Variants in PTPRG observed in about 807,000 individuals in gnomAD.
PTPRG encodes receptor-type tyrosine-protein phosphatase gamma.
A neutral mutation model predicts 165.3 loss-of-function variants in PTPRG; 102 were observed. That is an observed-to-expected ratio of 0.62 (90% CI 0.53 to 0.73). The LOEUF (loss-of-function observed/expected upper bound fraction) is 0.73, where lower values mean the gene tolerates loss of function less well. PTPRG is among the 30% of genes least tolerant of loss of function. The pLI, the probability that PTPRG is intolerant of heterozygous loss-of-function variation, is 0.00. For missense variants in PTPRG, 1,866 were observed against 1,861.4 expected (o/e 1.00, Z -0.05); for synonymous variants, 675 against 669.5 (o/e 1.01, Z -0.13).
rs778599570 is a variant in PTPRG, at chr3:61,842,637, C to A, written c.190+93655C>A. 3.0e-5 allele frequency among the ~76,000 whole-genome samples: 4 copies of A among 132,978 alleles called. No individual in the cohort carries two copies. In the East Asian group the frequency reaches 8.8e-4, roughly 29 times the overall value. The allele number at this position is 132,978 out of a possible 152,430, so 87.2% of individuals were successfully genotyped here. A position where few individuals can be genotyped will look rare whatever the true frequency, so the allele number is the denominator to read the frequency against. On this transcript the variant is annotated intron_variant, in intron 2 of 29. Transcript: ENST00000474889. ...CTTGTTTCCTTTTTTCTGGATGACA[C>A]AGATAAAGTGAATTTTTCAAACCCT... is the stretch of plus-strand genomic sequence containing the variant.
At chr3:61,860,741 G>A (rs749906232) in intron 2 of PTPRG, among the ~76,000 whole-genome samples, 6 of 152,094 alleles carry the variant, frequency 3.9e-5, no homozygotes, top group African/African-American at 7.2e-5. Flanking sequence ...ACTGCGCCTA[G>A]CCCATTTTTT....
At chr3:61,997,564 C>G (rs1013703864) in intron 3 of PTPRG, among the ~76,000 whole-genome samples, 1 of 152,154 alleles carries the variant, frequency 6.6e-6, no homozygotes, top group Admixed American at 6.5e-5. Context: ...TCAGCTCAGA[C>G]CATGACACCC....
intron 1 of PTPRG, among the ~76,000 whole-genome samples, chr3:61,682,369 T>C (rs1450967246): frequency 1.3e-5 from 2 of 152,198 alleles, no homozygotes; most frequent in Non-Finnish European, 2.9e-5. Context: ...TATTCTCAAA[T>C]GGTTGAGGAA....
At chr3:61,748,353 C>T (rs2033293690) in intron 1 of PTPRG, among the ~76,000 whole-genome samples, 1 of 152,188 alleles carries the variant, frequency 6.6e-6, no homozygotes, top group Non-Finnish European at 1.5e-5. Flanking sequence ...TACTTTGTGT[C>T]TCTGCTCCTT....
intron 2 of PTPRG, among the ~76,000 whole-genome samples, chr3:61,765,124 G>A (rs892173347): frequency 2.6e-5 from 4 of 152,208 alleles, no homozygotes; most frequent in Admixed American, 1.3e-4. Context: ...TGAGTACGTG[G>A]CACAAACACA....
rs746053568 is a variant in PTPRG at position 62,078,184 on chromosome 3, C to T, written c.541C>T (p.Pro181Ser). 7 of 1,605,034 alleles carry T rather than the reference C, an allele frequency of 4.4e-6. No homozygotes were observed. The highest frequency in any genetic ancestry group is 2.2e-5 in the East Asian group (1 of 44,704). ...PVEMQIFFYNPDDFDSFQTAI... is the reference protein window; with the variant it reads ...PVEMQIFFYNSDDFDSFQTAI... ...ACAGATGCAGATTTTCTTTTACAATCCAGATGACTTTGACAGCTTTCAAAC... is the reference window on the plus strand; with the variant it reads ...ACAGATGCAGATTTTCTTTTACAATTCAGATGACTTTGACAGCTTTCAAAC... The change falls in exon 5 of 30, where the codon CCA (proline) becomes TCA (serine). Residue 181 changes from proline to serine, a missense_variant. Transcript: ENST00000474889.
chr3:61,661,957 CTT>C (rs1399126651), intron 1 of PTPRG, among the ~76,000 whole-genome samples: 1 of 151,928 alleles, frequency 6.6e-6, no homozygotes, highest in Non-Finnish European at 1.5e-5. Flanking sequence ...TATTTTTTTT[CTT>C]TATTATTTAT....
intron 2 of PTPRG, among the ~76,000 whole-genome samples, chr3:61,754,522 C>G (rs930567976): frequency 6.6e-6 from 1 of 152,162 alleles, no homozygotes; most frequent in Admixed American, 6.5e-5. Context: ...TTCCTTGTTT[C>G]TCCTGCAGCG....
chr3:61,610,250 C>T (rs899913887), intron 1 of PTPRG, among the ~76,000 whole-genome samples: 2 of 151,862 alleles, frequency 1.3e-5, no homozygotes, highest in East Asian at 1.9e-4. Flanking sequence ...GGAATAGTGC[C>T]TGGCGCAGTC....
chr3:61,731,113 C>T (rs1374299264), intron 1 of PTPRG, among the ~76,000 whole-genome samples: 1 of 152,140 alleles, frequency 6.6e-6, no homozygotes, highest in Non-Finnish European at 1.5e-5. Context: ...ATTGCTAAAG[C>T]AGTGAATAGA....
Position 62,277,670 on chromosome 3 carries a change from C to T in PTPRG, c.3756C>T (p.Asn1252=). The T allele has an allele frequency of 6.2e-7, 1 of 1,612,396 alleles. No individual in the cohort carries two copies. The highest frequency in any genetic ancestry group is 8.5e-7 in the Non-Finnish European group (1 of 1,179,158). ...NAQIIVMLPD[N]QSLAEDEFVY... is the part of the protein sequence containing the mutation. ...AGATCATTGTCATGCTGCCAGACAACCAGAGCTTGGTAAGTAAAGCACATC... is the reference window on the plus strand; with the variant it reads ...AGATCATTGTCATGCTGCCAGACAATCAGAGCTTGGTAAGTAAAGCACATC... The change falls in exon 26 of 30, where the codon AAC becomes AAT. Residue 1252 remains asparagine (N), a synonymous_variant. Coordinates refer to ENST00000474889, the MANE Select transcript of PTPRG (RefSeq NM_002841.4).
intron 4 of PTPRG, among the ~76,000 whole-genome samples, chr3:62,014,865 T>C (rs1298768647): frequency 6.6e-6 from 1 of 152,238 alleles, no homozygotes; most frequent in East Asian, 1.9e-4. Flanking sequence ...GGATTCATCT[T>C]ATTCTATCTA....
intron 1 of PTPRG, among the ~76,000 whole-genome samples, chr3:61,708,281 G>C (rs1284902734): frequency 6.6e-6 from 1 of 151,890 alleles, no homozygotes; most frequent in Non-Finnish European, 1.5e-5. Flanking sequence ...TACTAGTGAA[G>C]AGGGCATGAT....
At chr3:61,593,142 C>T (rs115050517) in intron 1 of PTPRG, among the ~76,000 whole-genome samples, 30 of 152,250 alleles carry the variant, frequency 2.0e-4, no homozygotes, top group African/African-American at 6.7e-4. Context: ...TATTCCTATG[C>T]ACATTGGAAT....
At chr3:61,601,101 G>T (rs1700854056) in intron 1 of PTPRG, among the ~76,000 whole-genome samples, 1 of 152,080 alleles carries the variant, frequency 6.6e-6, no homozygotes, top group Non-Finnish European at 1.5e-5. Context: ...CCAAAAAATA[G>T]AAAAATTAGC....
chr3:62,138,342 C>G (rs1290624444), intron 6 of PTPRG, among the ~76,000 whole-genome samples: 1 of 152,158 alleles, frequency 6.6e-6, no homozygotes, highest in African/African-American at 2.4e-5. Flanking sequence ...ATCATTGTTG[C>G]AAATATGAAC....
At chr3:61,571,313 A>AT (rs1344280641) in intron 1 of PTPRG, among the ~76,000 whole-genome samples, 1 of 152,012 alleles carries the variant, frequency 6.6e-6, no homozygotes, top group Admixed American at 6.6e-5. Flanking sequence ...ATTGCTCAGG[A>AT]TTTTTTTTAA....
At chr3:62,013,087 A>T (rs933934136) in intron 4 of PTPRG, among the ~76,000 whole-genome samples, 2 of 151,922 alleles carry the variant, frequency 1.3e-5, no homozygotes, top group African/African-American at 2.4e-5. Context: ...TTTTTATATT[A>T]TACAATAATA....
At chr3:61,734,198 T>G (rs2032629861) in intron 1 of PTPRG, among the ~76,000 whole-genome samples, 2 of 152,236 alleles carry the variant, frequency 1.3e-5, no homozygotes, top group African/African-American at 4.8e-5. Context: ...TTCTCGCTTT[T>G]TCTGAAACAC....
Sources: allele counts gnomAD v4.1 joint callset (sites outside exome capture counted in the v4.1 genomes callset), GRCh38; gene constraint gnomAD v4.1.1; transcripts MANE v1.5; gene names NCBI Gene and HGNC (gene_info 2026-07-23, HGNC 2026-07-21).